PTPN21: variants seen among roughly 807,000 people sequenced by gnomAD.
PTPN21 encodes the protein tyrosine-protein phosphatase non-receptor type 21.
In PTPN21, 77 loss-of-function variants were observed where a neutral mutation model predicts 131.8. The ratio of observed to expected loss-of-function variants is 0.58; its 90% CI spans 0.49 to 0.71. The LOEUF (loss-of-function observed/expected upper bound fraction) is 0.71. PTPN21 is among the 30% of genes least tolerant of loss of function. PTPN21 has a pLI of 0.00. For synonymous variants in PTPN21, 715 were observed against 621.3 expected (o/e 1.15, Z -2.24); for missense variants, 1,552 against 1,527.1 (o/e 1.02, Z -0.27).
intron 2 of PTPN21, among the ~76,000 whole-genome samples, chr14:88,523,201 T>C (rs2078423536): frequency 6.6e-6 from 1 of 151,504 alleles, no homozygotes. Flanking sequence ...CCTAAGCAAA[T>C]ATTAAAAAAC....
intron 3 of PTPN21, chr14:88,512,398 A>T (rs1044996476): frequency 1.3e-5 from 2 of 152,212 alleles, no homozygotes; most frequent in African/African-American, 4.8e-5. Context: ...AGGTCTACAG[A>T]TTACATTTAA....
At position 88,466,504 on chromosome 14, in the gene PTPN21, A is replaced by C. The variant is rs2077365457; in HGVS notation, c.*1633T>G. The C allele has an allele frequency of 6.6e-6, 1 of 152,198 alleles. No individual in the cohort carries two copies. Among genetic ancestry groups the C allele is most frequent in the Non-Finnish European group, 1.5e-5 (1 of 68,038 alleles). The allele number at this position is 152,198 out of a possible 1,614,324, so 9.4% of individuals were successfully genotyped here. A position where few individuals can be genotyped will look rare whatever the true frequency, so the allele number is the denominator to read the frequency against. ...CATGGGAATCAAAATGATGCCTAGA[A>C]TAGTGTAATTTGGGAAACAGCCCTA... On this transcript the variant is annotated 3_prime_UTR_variant, in exon 19 of 19. Transcript: ENST00000556564.
At chr14:88,492,581 C>T (rs1193892700) in intron 10 of PTPN21, among the ~76,000 whole-genome samples, 2 of 152,162 alleles carry the variant, frequency 1.3e-5, no homozygotes, top group African/African-American at 4.8e-5. Flanking sequence ...AAACCACTGG[C>T]CAGCTCCCCG....
In PTPN21 at chr14:88,526,946, G is replaced by A. The variant is rs367567777; in HGVS notation, c.181-9685C>T. Among the ~76,000 whole-genome samples the A allele has an allele frequency of 2.1e-4, 32 of 152,158 alleles. 1 individual carries two copies. Among genetic ancestry groups the A allele is most frequent in the African/African-American group, 7.5e-4 (31 of 41,500 alleles). ...CCTGAGTTATTCACTTAGAATAATG[G>A]TCTCCAACTCCATCTAGGTTGCTGC... On this transcript the variant is annotated intron_variant, in intron 2 of 18. Coordinates refer to ENST00000556564, the MANE Select transcript of PTPN21 (RefSeq NM_007039.4).
At position 88,518,273 on chromosome 14, in the gene PTPN21, T is replaced by C. The variant is rs534635286; in HGVS notation, c.181-1012A>G. Among the ~76,000 whole-genome samples, 586 of 68,164 alleles carry C rather than the reference T, an allele frequency of 8.6e-3. 22 individuals are homozygous for C. The highest frequency in any genetic ancestry group is 0.031 in the African/African-American group (431 of 13,794). The allele number at this position is 68,164 out of a possible 152,430, so 44.7% of individuals were successfully genotyped here. On this transcript the variant is annotated intron_variant, in intron 2 of 18. Transcript: ENST00000556564. ...AAAAAAAAATATATATATATATATATACACACACACATACGCACACACACA... is the reference window on the plus strand; with the variant it reads ...AAAAAAAAATATATATATATATATACACACACACACATACGCACACACACA...
chr14:88,533,561 T>C (rs2078583260), intron 2 of PTPN21, among the ~76,000 whole-genome samples: 1 of 152,210 alleles, frequency 6.6e-6, no homozygotes, highest in Admixed American at 6.5e-5. Context: ...TTATACTTTT[T>C]ATTTAGAGTG....
In PTPN21 at chr14:88,467,923, G is replaced by GTCC; in HGVS notation, c.*211_*213dup. Reference sequence around the variant, plus strand: ...GGCAGGGCAAGGCCCTTGAAACCAAGTCCTCCTTGAGCACCTTTCCCAGGT... The same window carrying GTCC: ...GGCAGGGCAAGGCCCTTGAAACCAAGTCCTCCTCCTTGAGCACCTTTCCCAGGT... On this transcript the variant is annotated 3_prime_UTR_variant, in exon 19 of 19. Coordinates refer to ENST00000556564, the MANE Select transcript of PTPN21 (RefSeq NM_007039.4). 1.5e-6 allele frequency: 1 copy of GTCC among 652,094 alleles called. No individual in the cohort carries two copies. The highest frequency in any genetic ancestry group is 2.7e-6 in the Non-Finnish European group (1 of 376,124). The allele number at this position is 652,094 out of a possible 1,614,324, so 40.4% of individuals were successfully genotyped here. A position where few individuals can be genotyped will look rare whatever the true frequency, so the allele number is the denominator to read the frequency against.
intron 10 of PTPN21, among the ~76,000 whole-genome samples, chr14:88,496,068 T>C (rs781447267): frequency 3.3e-5 from 5 of 152,166 alleles, no homozygotes; most frequent in Middle Eastern, 3.4e-3. Flanking sequence ...CTAAGAAAAA[T>C]GCACACCAGG....
chr14:88,512,717 G>C (rs1044881117), intron 3 of PTPN21: 3 of 152,198 alleles, frequency 2.0e-5, no homozygotes, highest in Non-Finnish European at 4.4e-5. Flanking sequence ...ACTGTAGCTA[G>C]TGCAAGAAAA....
intron 9 of PTPN21, among the ~76,000 whole-genome samples, chr14:88,496,731 A>G (rs894366835): frequency 7.2e-5 from 11 of 152,254 alleles, no homozygotes; most frequent in African/African-American, 2.4e-4. Flanking sequence ...AACAGTTTCA[A>G]AATGACTTGG....
chr14:88,528,072 C>T (rs942887251), intron 2 of PTPN21, among the ~76,000 whole-genome samples: 1 of 152,054 alleles, frequency 6.6e-6, no homozygotes, highest in South Asian at 2.1e-4. Flanking sequence ...AGTTGGAAGT[C>T]GGGTAATGTG....
intron 2 of PTPN21, among the ~76,000 whole-genome samples, chr14:88,522,075 A>G (rs2139323429): frequency 6.6e-6 from 1 of 152,330 alleles, no homozygotes; most frequent in East Asian, 1.9e-4. Context: ...TTCACAAATT[A>G]TAGACCATAG....
rs184666640 is a variant in PTPN21, at chr14:88,538,516, C to G, written c.180+11722G>C. Among the ~76,000 whole-genome samples the G allele has an allele frequency of 3.7e-3, 559 of 152,324 alleles. 3 individuals carry two copies. The highest frequency in any genetic ancestry group is 5.9e-3 in the Non-Finnish European group (401 of 68,040). On this transcript the variant is annotated intron_variant, in intron 2 of 18. Coordinates refer to ENST00000556564, the MANE Select transcript of PTPN21 (RefSeq NM_007039.4). ...GCCTAATGACACTCATGTTCCTTCTCATGCTTACCTTTCTTTGCCTGACGT... is the reference window on the plus strand; with the variant it reads ...GCCTAATGACACTCATGTTCCTTCTGATGCTTACCTTTCTTTGCCTGACGT...
chr14:88,494,890 G>A (rs1318021284), intron 10 of PTPN21, among the ~76,000 whole-genome samples: 2 of 151,656 alleles, frequency 1.3e-5, no homozygotes, highest in Non-Finnish European at 2.9e-5. Flanking sequence ...GCATGTGCCT[G>A]TAGTCCCAGC....
intron 2 of PTPN21, among the ~76,000 whole-genome samples, chr14:88,538,607 C>T (rs989693063): frequency 1.2e-4 from 19 of 152,300 alleles, no homozygotes; most frequent in African/African-American, 4.3e-4. Flanking sequence ...TAACAAATAT[C>T]TCCAGAGTAC....
chr14:88,488,813 G>C (rs73315936), intron 10 of PTPN21, among the ~76,000 whole-genome samples: 105 of 152,050 alleles, frequency 6.9e-4, no homozygotes, highest in African/African-American at 2.5e-3. Flanking sequence ...GGGAAACTGG[G>C]ATACTAGGAC....
chr14:88,488,022 C>T (rs2077764111), intron 10 of PTPN21, among the ~76,000 whole-genome samples: 1 of 151,340 alleles, frequency 6.6e-6, no homozygotes, highest in African/African-American at 2.4e-5. Flanking sequence ...ATTTTTGCAG[C>T]CTTGAAATTT....
At chr14:88,510,032 T>C (rs900660359) in intron 3 of PTPN21, among the ~76,000 whole-genome samples, 1 of 152,126 alleles carries the variant, frequency 6.6e-6, no homozygotes, top group African/African-American at 2.4e-5. Flanking sequence ...AGAGAGTCTG[T>C]CTCAAAACAA....
Position 88,507,982 on chromosome 14 carries a change from T to C in PTPN21, c.389A>G (p.Glu130Gly). 2 of 1,607,174 alleles carry C rather than the reference T, an allele frequency of 1.2e-6. No individual in the cohort carries two copies. Among genetic ancestry groups the C allele is most frequent in the Non-Finnish European group, 8.5e-7 (1 of 1,176,812 alleles). Residue 130 changes from glutamate to glycine, a missense_variant, in exon 4 of 19, where the codon GAA becomes GGA. This residue lies in a region of PTPN21 where 206 missense variants were observed against 221.6 expected (regional missense o/e 0.93). Transcript: ENST00000556564. ...YYLQLKKDIL[E>G]GSIPCTLEQA... ...TTCTAAGGTACAAGGAATACTTCCT[T>C]CCAAGATATCTTTCTTCAGTTGCAG... is the stretch of plus-strand genomic sequence containing the variant.
Sources: gnomAD v4.1 joint callset for allele counts (sites outside exome capture counted in the v4.1 genomes callset) on GRCh38, gnomAD v4.1.1 for gene constraint, gnomAD v4.1.1 regional missense constraint, MANE v1.5 for transcripts, NCBI Gene and HGNC (gene_info 2026-07-23, HGNC 2026-07-21) for gene names.